Variants in TCF4 observed in about 807,000 individuals in gnomAD.
The protein encoded by TCF4 is SL3-3 enhancer factor 2.
In TCF4, 3 loss-of-function variants were observed where a neutral mutation model predicts 82.1. The ratio of observed to expected loss-of-function variants is 0.04; its 90% CI spans 0.02 to 0.09. The LOEUF (loss-of-function observed/expected upper bound fraction) is 0.09, where lower values mean the gene tolerates loss of function less well. TCF4 is among the 10% of genes least tolerant of loss of function. TCF4 has a pLI of 1.00. For synonymous variants in TCF4, 276 were observed against 309.6 expected, an observed-to-expected ratio of 0.89 and a Z score of 1.14; for missense variants, 518 against 852.7, an observed-to-expected ratio of 0.61 and a Z score of 4.89.
At chr18:55,599,130 C>T (rs1226410397) in intron 2 of TCF4, among the ~76,000 whole-genome samples, 1 of 152,168 alleles carries the variant, frequency 6.6e-6, no homozygotes, top group Non-Finnish European at 1.5e-5. Flanking sequence ...GAAGATTATC[C>T]TACATAATAC....
At chr18:55,439,660 G>A (rs1361211824) in intron 5 of TCF4, among the ~76,000 whole-genome samples, 11 of 152,168 alleles carry the variant, frequency 7.2e-5, no homozygotes, top group Non-Finnish European at 1.2e-4. Flanking sequence ...GGCATAATGG[G>A]TAACTCGAAA....
At chr18:55,542,252 T>TG (rs2097170727) in intron 3 of TCF4, among the ~76,000 whole-genome samples, 1 of 151,970 alleles carries the variant, frequency 6.6e-6, no homozygotes, top group Admixed American at 6.6e-5. Context: ...TTCCCATAAA[T>TG]GCCATCAACT....
At chr18:55,426,101 A>T (rs1324385981) in intron 5 of TCF4, among the ~76,000 whole-genome samples, 4 of 120,602 alleles carry the variant, frequency 3.3e-5, no homozygotes, top group East Asian at 2.5e-4. Context: ...AAAAAATTTT[A>T]TATATATATA....
chr18:55,370,032 G>A (rs1373532619), intron 6 of TCF4, among the ~76,000 whole-genome samples: 2 of 152,294 alleles, frequency 1.3e-5, no homozygotes, highest in East Asian at 1.9e-4. Flanking sequence ...TGGAGGGCAG[G>A]CCTTCATAGC....
At chr18:55,378,770 T>C (rs920057256) in intron 6 of TCF4, among the ~76,000 whole-genome samples, 3 of 152,234 alleles carry the variant, frequency 2.0e-5, no homozygotes, top group Admixed American at 6.5e-5. Context: ...TTATCAGCTC[T>C]AGAAAAAAGC....
At chr18:55,571,959 G>T (rs779125084) in intron 3 of TCF4, among the ~76,000 whole-genome samples, 1 of 151,234 alleles carries the variant, frequency 6.6e-6, no homozygotes, top group East Asian at 1.9e-4. Flanking sequence ...AGTTCATTTC[G>T]TTTTAACTAA....
intron 16 of TCF4, chr18:55,234,311 T>A (rs999494679): frequency 6.5e-6 from 4 of 618,502 alleles, no homozygotes; most frequent in Non-Finnish European, 1.1e-5. Flanking sequence ...TGTGGCCTCA[T>A]TCCCTGCTGA....
At chr18:55,359,510 T>A (rs2084524760) in intron 6 of TCF4, among the ~76,000 whole-genome samples, 1 of 152,202 alleles carries the variant, frequency 6.6e-6, no homozygotes, top group African/African-American at 2.4e-5. Context: ...TGGGCCCCGG[T>A]ACACAGTATG....
At chr18:55,273,949 C>T (rs1227638999) in intron 10 of TCF4, among the ~76,000 whole-genome samples, 2 of 152,090 alleles carry the variant, frequency 1.3e-5, no homozygotes, top group East Asian at 3.8e-4. Flanking sequence ...TAACTCAAAA[C>T]TCTTGAGCAT....
chr18:55,500,095 T>C (rs544421678), intron 3 of TCF4, among the ~76,000 whole-genome samples: 4 of 152,218 alleles, frequency 2.6e-5, no homozygotes, highest in South Asian at 4.1e-4. Flanking sequence ...GGCAGGAGAA[T>C]TGCTTGAACC....
At chr18:55,354,225 G>A (rs923234182) in intron 6 of TCF4, among the ~76,000 whole-genome samples, 2 of 152,082 alleles carry the variant, frequency 1.3e-5, no homozygotes, top group Non-Finnish European at 2.9e-5. Flanking sequence ...GGAATGTTTT[G>A]GGGTTCACCC....
intron 11 of TCF4, among the ~76,000 whole-genome samples, chr18:55,263,057 G>A (rs1277069315): frequency 3.3e-5 from 5 of 152,048 alleles, no homozygotes; most frequent in Admixed American, 6.6e-5. Flanking sequence ...ACCCACCTTG[G>A]CCTCCCAAAG....
chr18:55,302,946 G>C (rs1272360625), intron 8 of TCF4, among the ~76,000 whole-genome samples: 1 of 152,128 alleles, frequency 6.6e-6, no homozygotes, highest in Admixed American at 6.5e-5. Flanking sequence ...CCCAAGTAGA[G>C]AGAAGCTACT....
At chr18:55,327,296 T>G (rs2076728702) in intron 8 of TCF4, among the ~76,000 whole-genome samples, 1 of 152,106 alleles carries the variant, frequency 6.6e-6, no homozygotes, top group African/African-American at 2.4e-5. Flanking sequence ...AAATCCATAT[T>G]ACACCAAGAA....
At chr18:55,294,320 G>A (rs1013707525) in intron 8 of TCF4, among the ~76,000 whole-genome samples, 2 of 151,902 alleles carry the variant, frequency 1.3e-5, no homozygotes, top group East Asian at 1.9e-4. Context: ...TATCCAGGTC[G>A]TATCCCCCGA....
At chr18:55,447,138 T>C (rs932108570) in intron 5 of TCF4, among the ~76,000 whole-genome samples, 6 of 151,918 alleles carry the variant, frequency 3.9e-5, no homozygotes, top group African/African-American at 1.5e-4. Flanking sequence ...ACCTTGTCTC[T>C]ACAAAAAATA....
intron 3 of TCF4, among the ~76,000 whole-genome samples, chr18:55,516,933 T>C (rs1392988567): frequency 1.3e-5 from 2 of 152,216 alleles, no homozygotes; most frequent in Non-Finnish European, 2.9e-5. Flanking sequence ...ATCTGAATTA[T>C]GTTTTAAAGA....
chr18:55,226,971 C>A lies in TCF4; in HGVS notation c.*1064G>T, dbSNP rs758099099. 6.6e-6 allele frequency: 1 copy of A among 152,600 alleles called. No individual in the cohort carries two copies. Among genetic ancestry groups the A allele is most frequent in the Non-Finnish European group, 1.5e-5 (1 of 68,032 alleles). 9.5% of individuals were successfully genotyped at this position (152,600 alleles called of 1,614,324 possible). ...CAGTGGTAACATTGTAGCATTCTAA[C>A]CTTGTACCTCTGAAAATCCCAGAAT... On this transcript the variant is annotated 3_prime_UTR_variant, in exon 20 of 20. Transcript: ENST00000354452.
In TCF4 at chr18:55,261,292, T is replaced by C. The variant is rs2058038263; in HGVS notation, c.990+174A>G. 5.3e-6 allele frequency: 4 copies of C among 760,594 alleles called. No homozygotes were observed. In the East Asian group the frequency reaches 9.9e-5, roughly 19 times the overall value. 47.1% of individuals were successfully genotyped at this position (760,594 alleles called of 1,614,324 possible). A position where few individuals can be genotyped will look rare whatever the true frequency, so the allele number is the denominator to read the frequency against. ...AGGATGAGAGAAAGAGACTATATAC[T>C]GGAAGCTTCAGAGCCTTCTCAAATT... On this transcript the variant is annotated intron_variant, in intron 12 of 19. Coordinates refer to ENST00000354452, the MANE Select transcript of TCF4 (RefSeq NM_001083962.2).
Sources: allele counts gnomAD v4.1 joint callset (sites outside exome capture counted in the v4.1 genomes callset), GRCh38; gene constraint gnomAD v4.1.1; transcripts MANE v1.5; gene names NCBI Gene and HGNC (gene_info 2026-07-23, HGNC 2026-07-21).